TOMM70: variants seen among roughly 807,000 people sequenced by gnomAD.
The protein encoded by TOMM70 is translocase of outer mitochondrial membrane 70, also known as mitochondrial import receptor subunit TOM70.
Under a neutral mutation model 73.6 loss-of-function variants are expected in TOMM70, and 13 were observed. The ratio of observed to expected loss-of-function variants is 0.18; its 90% confidence interval spans 0.11 to 0.28. TOMM70 has a LOEUF of 0.28. TOMM70 is among the 10% of genes least tolerant of loss of function. The pLI is 1.00. For missense variants in TOMM70, 609 were observed against 747.5 expected (o/e 0.81, Z 2.16); for synonymous variants, 257 against 271.2 (o/e 0.95, Z 0.51).
chr3:100,384,125 T>A (rs915570868), intron 4 of TOMM70, among the ~76,000 whole-genome samples: 3 of 152,230 alleles, frequency 2.0e-5, no homozygotes, highest in Non-Finnish European at 4.4e-5. Flanking sequence ...ATACAGTTTG[T>A]CACAACCACT....
intron 1 of TOMM70, among the ~76,000 whole-genome samples, chr3:100,397,885 T>C (rs1217762439): frequency 1.3e-5 from 2 of 150,426 alleles, no homozygotes; most frequent in Non-Finnish European, 3.0e-5. Context: ...TGAGACTCCG[T>C]ATCAAAAAAA....
chr3:100,397,628 T>C (rs140543732), intron 1 of TOMM70, among the ~76,000 whole-genome samples: 418 of 152,342 alleles, frequency 2.7e-3, no homozygotes, highest in Non-Finnish European at 4.6e-3. Context: ...CAGTGGCTCA[T>C]GCCTGTAATC....
rs1706466742 is a variant in TOMM70, at chr3:100,368,142, TTGCTTCCAC to T, written c.1566_1574del (p.Trp523_Gln525del). ...TAAGTTCCAAACCTCTATCCAGATC[TTGCTTCCAC>T]TGAAGTTGAAGTAAACTGCAAATGC... On this transcript the variant is annotated inframe_deletion, in exon 11 of 12. Coordinates refer to ENST00000284320, the MANE Select transcript of TOMM70 (RefSeq NM_014820.5). 1 of 1,611,702 alleles carries T rather than the reference TTGCTTCCAC, an allele frequency of 6.2e-7. No individual in the cohort carries two copies.
Position 100,365,449 on chromosome 3 carries a change from C to A in TOMM70, c.*115G>T. On this transcript the variant is annotated 3_prime_UTR_variant, in exon 12 of 12. Transcript: ENST00000284320. ...AAACAGATGTAACAAATAACAACAC[C>A]ACAAACAGAAATACTGATTTCCACC... 3 of 1,445,414 alleles carry A rather than the reference C, an allele frequency of 2.1e-6. No individual in the cohort carries two copies. The highest frequency in any genetic ancestry group is 2.8e-6 in the Non-Finnish European group (3 of 1,068,406). The allele number at this position is 1,445,414 out of a possible 1,614,324, so 89.5% of individuals were successfully genotyped here. A position where few individuals can be genotyped will look rare whatever the true frequency, so the allele number is the denominator to read the frequency against.
intron 1 of TOMM70, among the ~76,000 whole-genome samples, chr3:100,399,971 T>C (rs370268679): frequency 3.3e-5 from 5 of 152,066 alleles, no homozygotes; most frequent in Admixed American, 3.3e-4. Flanking sequence ...CCAAGGGGGC[T>C]TCGGGGTTGC....
intron 1 of TOMM70, among the ~76,000 whole-genome samples, chr3:100,390,705 T>G (rs1306839405): frequency 6.6e-6 from 1 of 151,994 alleles, no homozygotes; most frequent in Non-Finnish European, 1.5e-5. Context: ...GGCGAGCGCC[T>G]GTAATCCCAG....
Position 100,377,890 on chromosome 3 carries a change from G to C in TOMM70, c.907C>G (p.Gln303Glu). 2 of 1,613,514 alleles carry C rather than the reference G, an allele frequency of 1.2e-6. No homozygotes were observed. Residue 303 changes from glutamine (Q) to glutamate (E), a missense_variant, in exon 6 of 12, where the codon CAG (glutamine) becomes GAG (glutamate). This residue lies in a region of TOMM70 where 432 missense variants were observed against 584.1 expected (regional missense o/e 0.74). Transcript: ENST00000284320. Reference protein sequence around the residue: ...KENSGYLKAKQYMEEENYDKI... With the variant: ...KENSGYLKAKEYMEEENYDKI... ...TCGTAGTTTTCTTCTTCCATATACT[G>C]TTTGGCCTTTAAGTATCCAGAACTG...
chr3:100,367,282 A>G (rs558734462), intron 11 of TOMM70, among the ~76,000 whole-genome samples: 20 of 150,756 alleles, frequency 1.3e-4, no homozygotes, highest in Admixed American at 1.1e-3. Flanking sequence ...AAGAAACACA[A>G]TTTTTTTTTT....
chr3:100,393,169 T>A (rs1487555177), intron 1 of TOMM70, among the ~76,000 whole-genome samples: 15 of 143,408 alleles, frequency 1.0e-4, no homozygotes, highest in Admixed American at 3.5e-4. Context: ...AGAGTGAAAC[T>A]CTGTCTCAAA....
rs1706635985 is a variant in TOMM70 at position 100,381,699 on chromosome 3, T to C, written c.800A>G (p.Asp267Gly). Residue 267 changes from aspartate (D) to glycine (G), a missense_variant, in exon 5 of 12, where the codon GAT becomes GGT. Asp to Gly is a moderately conservative substitution (Grantham distance 94). This residue lies in a region of TOMM70 where 432 missense variants were observed against 584.1 expected (regional missense o/e 0.74). Transcript: ENST00000284320. Reference sequence around the variant, plus strand: ...TTTAAGCATGGGCTGGGAAATGATATCATCCGTGAAAGAACTGAAGTAAGA... The same window carrying C: ...TTTAAGCATGGGCTGGGAAATGATACCATCCGTGAAAGAACTGAAGTAAGA... Reference protein sequence around the residue: ...IKSYFSSFTDDIISQPMLKGE... With the variant: ...IKSYFSSFTDGIISQPMLKGE... 2 of 1,612,842 alleles carry C rather than the reference T, an allele frequency of 1.2e-6. No homozygotes were observed. Among genetic ancestry groups the C allele is most frequent in the South Asian group, 1.1e-5 (1 of 90,856 alleles).
intron 1 of TOMM70, among the ~76,000 whole-genome samples, chr3:100,399,734 ATTTTTTT>A (rs34524680): frequency 1.2e-4 from 15 of 126,054 alleles, no homozygotes; most frequent in South Asian, 5.4e-4. Context: ...AGTCACTCCC[ATTTTTTT>A]TTTTTTTTTT....
chr3:100,400,685 T>G lies in TOMM70; in HGVS notation c.265A>C (p.Arg89=). 5 of 1,612,130 alleles carry G rather than the reference T, an allele frequency of 3.1e-6. No individual in the cohort carries two copies. Among genetic ancestry groups the G allele is most frequent in the Non-Finnish European group, 4.2e-6 (5 of 1,179,732 alleles). ...CCGCTGCCCGGGGCCGGACTGGCCC[T>G]GCCCTCCGGGGTCTTCCGTTCGCTG... is the stretch of plus-strand genomic sequence containing the variant. ...RNSERKTPEG[R]ASPAPGSGHP... is the part of the protein sequence containing the mutation. The change falls in exon 1 of 12, where the codon AGG becomes CGG. Residue 89 remains arginine, a synonymous_variant. Coordinates refer to ENST00000284320, the MANE Select transcript of TOMM70 (RefSeq NM_014820.5).
chr3:100,369,162 T>G, intron 9 of TOMM70, 27 bp from the exon 10 acceptor site: 1 of 1,521,884 alleles, frequency 6.6e-7, no homozygotes, highest in South Asian at 1.1e-5. Flanking sequence ...TTCAGTTATA[T>G]TAAGGTAACC....
intron 5 of TOMM70, among the ~76,000 whole-genome samples, chr3:100,379,355 G>GCCAGACATGGTA (rs1178386596): frequency 6.6e-6 from 1 of 152,188 alleles, no homozygotes; most frequent in African/African-American, 2.4e-5. Context: ...CAGACATGGT[G>GCCAGACATGGTA]GCTCATGCCT....
At chr3:100,387,109 T>C in intron 1 of TOMM70, 131 bp from the exon 2 acceptor site, 1 of 903,786 alleles carries the variant, frequency 1.1e-6, no homozygotes, top group Non-Finnish European at 1.7e-6. Flanking sequence ...TTCATACAAA[T>C]ATCTTCATGG....
chr3:100,385,000 T>C (rs1706674150), intron 3 of TOMM70, among the ~76,000 whole-genome samples: 2 of 152,226 alleles, frequency 1.3e-5, no homozygotes, highest in African/African-American at 4.8e-5. Flanking sequence ...CAAATAAATC[T>C]GCCTCAATAC....
At chr3:100,373,738 T>C in intron 7 of TOMM70, 93 bp from the exon 8 acceptor site, 1 of 750,342 alleles carries the variant, frequency 1.3e-6, no homozygotes, top group Non-Finnish European at 2.2e-6. Context: ...AGCATAATGC[T>C]GAGCATGTAG....
chr3:100,372,812 C>A, intron 8 of TOMM70, 90 bp from the exon 9 acceptor site: 1 of 1,103,598 alleles, frequency 9.1e-7, no homozygotes, highest in Non-Finnish European at 1.3e-6. Context: ...TAAATATTTC[C>A]AAAAAAACAG....
chr3:100,370,543 G>A (rs1706497643), intron 9 of TOMM70, among the ~76,000 whole-genome samples: 4 of 152,142 alleles, frequency 2.6e-5, no homozygotes, highest in Admixed American at 2.6e-4. Context: ...TGAAATGGAA[G>A]GCACAGTTCT....
Sources: gnomAD v4.1 joint callset for allele counts (sites outside exome capture counted in the v4.1 genomes callset) on GRCh38, gnomAD v4.1.1 for gene constraint, gnomAD v4.1.1 regional missense constraint, MANE v1.5 for transcripts, NCBI Gene and HGNC (gene_info 2026-07-23, HGNC 2026-07-21) for gene names.